The following HSD17B4 variants were observed in gnomAD, a reference collection of about 807,000 sequenced individuals.
HSD17B4 encodes hydroxysteroid 17-beta dehydrogenase 4, also known as peroxisomal multifunctional enzyme type 2.
HSD17B4 carries 70 observed loss-of-function variants against 101.0 expected under a neutral mutation model. The ratio of observed to expected loss-of-function variants is 0.69; its 90% CI spans 0.57 to 0.85. HSD17B4 has a LOEUF of 0.85. Ranked by LOEUF, HSD17B4 falls within the 40% of genes least tolerant of loss-of-function variation. The pLI is 0.00. For synonymous variants in HSD17B4, 347 were observed against 297.1 expected (o/e 1.17, Z -1.73); for missense variants, 984 against 892.4 (o/e 1.10, Z -1.31).
At chr5:119,507,235 A>G (rs190257536) in intron 15 of HSD17B4, among the ~76,000 whole-genome samples, 1 of 152,224 alleles carries the variant, frequency 6.6e-6, no homozygotes, top group South Asian at 2.1e-4. Flanking sequence ...TCACTTGACA[A>G]TTAGGCTGTG....
intron 2 of HSD17B4, among the ~76,000 whole-genome samples, chr5:119,469,466 G>A (rs542650966): frequency 6.6e-6 from 1 of 152,218 alleles, no homozygotes; most frequent in Admixed American, 6.5e-5. Flanking sequence ...CAATTCTCCT[G>A]CCTCAGCCTC....
chr5:119,458,748 T>C (rs1260922169), intron 2 of HSD17B4, among the ~76,000 whole-genome samples: 1 of 152,176 alleles, frequency 6.6e-6, no homozygotes, highest in Non-Finnish European at 1.5e-5. Flanking sequence ...TATTTAAATT[T>C]GGTATAAGAA....
intron 9 of HSD17B4, among the ~76,000 whole-genome samples, chr5:119,490,278 T>A (rs937874888): frequency 6.6e-6 from 1 of 152,192 alleles, no homozygotes; most frequent in Non-Finnish European, 1.5e-5. Flanking sequence ...AACTCTGTTT[T>A]ATAGAAGAGG....
chr5:119,489,861 T>G (rs891888132), intron 9 of HSD17B4, among the ~76,000 whole-genome samples: 1 of 152,168 alleles, frequency 6.6e-6, no homozygotes, highest in Non-Finnish European at 1.5e-5. Flanking sequence ...CTTTAAATGT[T>G]TATTATAAAA....
chr5:119,477,563 C>A, intron 7 of HSD17B4, 62 bp downstream of exon 7: 1 of 1,050,416 alleles, frequency 9.5e-7, no homozygotes, highest in Non-Finnish European at 1.5e-6. Flanking sequence ...TTCTTGTGTA[C>A]AGGGAAAGAT....
intron 9 of HSD17B4, among the ~76,000 whole-genome samples, chr5:119,490,194 A>T (rs1749976169): frequency 6.6e-6 from 1 of 152,168 alleles, no homozygotes; most frequent in African/African-American, 2.4e-5. Context: ...CTGAGCAGAT[A>T]TATGCACCTC....
intron 2 of HSD17B4, among the ~76,000 whole-genome samples, chr5:119,465,494 T>C (rs1262036814): frequency 6.6e-6 from 1 of 152,200 alleles, no homozygotes; most frequent in African/African-American, 2.4e-5. Context: ...ATTGGAGGCT[T>C]CTTGAGGGCC....
chr5:119,461,259 T>C (rs1383424045), intron 2 of HSD17B4, among the ~76,000 whole-genome samples: 1 of 152,088 alleles, frequency 6.6e-6, no homozygotes, highest in Admixed American at 6.6e-5. Flanking sequence ...CATTTACAAA[T>C]CTATAAGCAA....
At chr5:119,524,240 C>A (rs188581288) in intron 17 of HSD17B4, among the ~76,000 whole-genome samples, 1 of 151,920 alleles carries the variant, frequency 6.6e-6, no homozygotes, top group East Asian at 1.9e-4. Flanking sequence ...AGGAAAAGAG[C>A]TTATTGGAAT....
intron 2 of HSD17B4, among the ~76,000 whole-genome samples, chr5:119,465,112 T>C (rs187354617): frequency 6.6e-6 from 1 of 152,308 alleles, no homozygotes; most frequent in East Asian, 1.9e-4. Flanking sequence ...ACTGGCATTT[T>C]GATAGAGATT....
chr5:119,519,959 C>G (rs933513377), intron 17 of HSD17B4, among the ~76,000 whole-genome samples: 3 of 152,204 alleles, frequency 2.0e-5, no homozygotes, highest in African/African-American at 7.2e-5. Context: ...CTAGGTCCCA[C>G]TCGCAGCTCC....
chr5:119,464,015 C>T (rs1432456845), intron 2 of HSD17B4, among the ~76,000 whole-genome samples: 2 of 151,968 alleles, frequency 1.3e-5, no homozygotes, highest in African/African-American at 4.8e-5. Context: ...TAAAAATATA[C>T]TGTTTATTAT....
chr5:119,501,959 T>A lies in HSD17B4; in HGVS notation c.1210-82T>A, dbSNP rs563713386. 410 of 819,498 alleles carry A rather than the reference T, an allele frequency of 5.0e-4. 1 individual carries two copies. The highest frequency in any genetic ancestry group is 7.8e-4 in the Non-Finnish European group (363 of 465,732). 50.8% of individuals were successfully genotyped at this position (819,498 alleles called of 1,614,324 possible). On this transcript the variant is annotated intron_variant, in intron 13 of 23. Coordinates refer to ENST00000510025, the MANE Select transcript of HSD17B4 (RefSeq NM_000414.4). Reference sequence around the variant, plus strand: ...ATGTGAGCCTGTGGATGGTAAAATGTCACTTGCGAGTAACAGTATCCATAG... The same window carrying A: ...ATGTGAGCCTGTGGATGGTAAAATGACACTTGCGAGTAACAGTATCCATAG...
intron 22 of HSD17B4, among the ~76,000 whole-genome samples, chr5:119,533,314 G>T (rs556041446): frequency 6.6e-6 from 1 of 151,362 alleles, no homozygotes. Context: ...AATCCATAGG[G>T]ATAATTATTT....
intron 16 of HSD17B4, among the ~76,000 whole-genome samples, chr5:119,511,136 G>A (rs1478183139): frequency 6.6e-6 from 1 of 152,208 alleles, no homozygotes; most frequent in African/African-American, 2.4e-5. Context: ...AAAGAAGTAT[G>A]TCACTACTCC....
chr5:119,489,378 A>G lies in HSD17B4; in HGVS notation c.714+95A>G, dbSNP rs187691943. ...GTGGACATCACTTGTATATTTTTAA[A>G]TATTGTGTCTATGTTATAATTAAAA... On this transcript the variant is annotated intron_variant, in intron 9 of 23. Coordinates refer to ENST00000510025, the MANE Select transcript of HSD17B4 (RefSeq NM_000414.4). 66 of 816,108 alleles carry G rather than the reference A, an allele frequency of 8.1e-5. 1 individual carries two copies. The African/African-American group carries it at 1.0e-3, about 13-fold the overall frequency. The allele number at this position is 816,108 out of a possible 1,614,324, so 50.6% of individuals were successfully genotyped here. A position where few individuals can be genotyped will look rare whatever the true frequency, so the allele number is the denominator to read the frequency against.
intron 2 of HSD17B4, 120 bp from the exon 3 acceptor site, chr5:119,473,788 G>A (rs1178438557): frequency 4.1e-6 from 3 of 724,762 alleles, no homozygotes; most frequent in East Asian, 5.3e-5. Context: ...GGGTAGGAAG[G>A]AACTGGGCAG....
intron 2 of HSD17B4, among the ~76,000 whole-genome samples, chr5:119,460,043 T>G (rs1385153719): frequency 1.3e-5 from 2 of 151,958 alleles, no homozygotes; most frequent in Non-Finnish European, 2.9e-5. Context: ...GCTAATTTTT[T>G]TTTTTGTATT....
intron 2 of HSD17B4, chr5:119,464,666 C>T (rs1402126570): frequency 6.7e-6 from 1 of 150,284 alleles, no homozygotes; most frequent in African/African-American, 2.5e-5. Context: ...GATCTCGGCT[C>T]ACTGCAACCT....
Sources: gnomAD v4.1 joint callset for allele counts (sites outside exome capture counted in the v4.1 genomes callset) on GRCh38, gnomAD v4.1.1 for gene constraint, MANE v1.5 for transcripts, NCBI Gene and HGNC (gene_info 2026-07-23, HGNC 2026-07-21) for gene names.